WIPF2: variants seen among roughly 807,000 people sequenced by gnomAD.
WIPF2 encodes WAS/WASL-interacting protein family member 2.
Under a neutral mutation model 38.8 loss-of-function variants are expected in WIPF2, and 23 were observed. The observed-to-expected ratio is 0.59, with a 90% CI of 0.43 to 0.84. The LOEUF (loss-of-function observed/expected upper bound fraction) is 0.84, where lower values mean the gene tolerates loss of function less well. WIPF2 is among the 40% of genes least tolerant of loss of function. The pLI is 0.00. For synonymous variants in WIPF2, 210 were observed against 223.2 expected, an observed-to-expected ratio of 0.94 and a Z score of 0.53; for missense variants, 574 against 580.5, an observed-to-expected ratio of 0.99 and a Z score of 0.11.
At chr17:40,271,229 GC>G (rs2032241469) in intron 5 of WIPF2, among the ~76,000 whole-genome samples, 1 of 152,198 alleles carries the variant, frequency 6.6e-6, no homozygotes, top group African/African-American at 2.4e-5. Context: ...GCCTGCCTCA[GC>G]CTCCCAGAGT....
At chr17:40,268,987 A>G (rs1283159054) in intron 5 of WIPF2, among the ~76,000 whole-genome samples, 1 of 152,076 alleles carries the variant, frequency 6.6e-6, no homozygotes, top group Non-Finnish European at 1.5e-5. Context: ...GTTCAAGACC[A>G]GCCTGGGCAA....
intron 1 of WIPF2, among the ~76,000 whole-genome samples, chr17:40,246,407 T>C (rs1363367682): frequency 6.7e-6 from 1 of 149,210 alleles, no homozygotes; most frequent in Non-Finnish European, 1.5e-5. Flanking sequence ...TTTTTTTTTT[T>C]TTTTTTTTGA....
intron 1 of WIPF2, among the ~76,000 whole-genome samples, chr17:40,239,456 C>T (rs1384659783): frequency 6.6e-6 from 1 of 151,984 alleles, no homozygotes; most frequent in African/African-American, 2.4e-5. Flanking sequence ...ATTACAGGCA[C>T]CCTGGCAGGC....
chr17:40,276,084 G>A (rs2032389897), intron 6 of WIPF2, among the ~76,000 whole-genome samples: 1 of 152,180 alleles, frequency 6.6e-6, no homozygotes, highest in African/African-American at 2.4e-5. Context: ...TCCCAACTAT[G>A]TAAGTGAAGG....
chr17:40,259,861 T>C (rs1023049500), intron 2 of WIPF2, among the ~76,000 whole-genome samples: 2 of 152,214 alleles, frequency 1.3e-5, no homozygotes, highest in Non-Finnish European at 1.5e-5. Flanking sequence ...CTTACCACAG[T>C]GCCTAAGTCA....
Position 40,273,781 on chromosome 17 carries a change from T to A in WIPF2, c.971-9T>A. On this transcript the variant is annotated splice_polypyrimidine_tract_variant and intron_variant, in intron 5 of 7. Coordinates refer to ENST00000323571, the MANE Select transcript of WIPF2 (RefSeq NM_133264.5). ...ATCCAAACCTAACTACTTTGGATTTTAATTGCAGCTCCTCCACCCCCACCA... is the reference window on the plus strand; with the variant it reads ...ATCCAAACCTAACTACTTTGGATTTAAATTGCAGCTCCTCCACCCCCACCA... 1.9e-6 allele frequency: 3 copies of A among 1,600,294 alleles called. No individual in the cohort carries two copies. Among genetic ancestry groups the A allele is most frequent in the Non-Finnish European group, 2.6e-6 (3 of 1,169,220 alleles).
chr17:40,270,248 C>T (rs2032207870), intron 5 of WIPF2, among the ~76,000 whole-genome samples: 1 of 151,780 alleles, frequency 6.6e-6, no homozygotes, highest in Non-Finnish European at 1.5e-5. Flanking sequence ...TGCCTGTAGT[C>T]CCAGCTACTG....
Position 40,231,001 on chromosome 17 carries a change from C to T in WIPF2, c.-70+11509C>T, listed in dbSNP as rs574144890. Among the ~76,000 whole-genome samples, 5 of 152,270 alleles carry T rather than the reference C, an allele frequency of 3.3e-5. No homozygotes were observed. The East Asian group carries it at 9.6e-4, about 29-fold the overall frequency. ...TGACTTTTGTTCAGAAATCACAGTA[C>T]TTAAAACCCAGATGGTCCTGTTTGA... is the stretch of plus-strand genomic sequence containing the variant. On this transcript the variant is annotated intron_variant, in intron 1 of 7. Coordinates refer to ENST00000323571, the MANE Select transcript of WIPF2 (RefSeq NM_133264.5).
intron 1 of WIPF2, among the ~76,000 whole-genome samples, chr17:40,236,419 A>G (rs994883097): frequency 2.6e-5 from 4 of 151,122 alleles, no homozygotes; most frequent in Non-Finnish European, 4.4e-5. Context: ...GCTCACTGCA[A>G]CCTCCACCTC....
chr17:40,265,120 C>G lies in WIPF2; in HGVS notation c.944C>G (p.Ala315Gly). 6.2e-7 allele frequency: 1 copy of G among 1,610,054 alleles called. No individual in the cohort carries two copies. Among genetic ancestry groups the G allele is most frequent in the Non-Finnish European group, 8.5e-7 (1 of 1,177,682 alleles). ...CTGAGTAATAGGCCACCTCCCCCAGCCCGAGACCCTCCCAGTCGGGGAGCA... is the reference window on the plus strand; with the variant it reads ...CTGAGTAATAGGCCACCTCCCCCAGGCCGAGACCCTCCCAGTCGGGGAGCA... Reference protein sequence around the residue: ...SLLSNRPPPPARDPPSRGAAP... With the variant: ...SLLSNRPPPPGRDPPSRGAAP... The change falls in exon 5 of 8, where the codon GCC (alanine) becomes GGC (glycine). Residue 315 changes from alanine (A) to glycine (G), a missense_variant. Transcript: ENST00000323571.
In WIPF2 at chr17:40,280,599, C is replaced by G. The variant is rs367853935; in HGVS notation, c.*2374C>G. 3 of 152,468 alleles carry G rather than the reference C, an allele frequency of 2.0e-5. No individual in the cohort carries two copies. The highest frequency in any genetic ancestry group is 7.2e-5 in the African/African-American group (3 of 41,402). 9.4% of individuals were successfully genotyped at this position (152,468 alleles called of 1,614,324 possible). Reference sequence around the variant, plus strand: ...AGTGACTGAACTTTGACTGTGAAGTCTTCCCATTTATTTTTGAAATGGGAG... The same window carrying G: ...AGTGACTGAACTTTGACTGTGAAGTGTTCCCATTTATTTTTGAAATGGGAG... On this transcript the variant is annotated 3_prime_UTR_variant, in exon 8 of 8. Coordinates refer to ENST00000323571, the MANE Select transcript of WIPF2 (RefSeq NM_133264.5).
intron 5 of WIPF2, among the ~76,000 whole-genome samples, chr17:40,269,746 A>G (rs2032193880): frequency 6.7e-6 from 1 of 149,822 alleles, no homozygotes; most frequent in Non-Finnish European, 1.5e-5. Flanking sequence ...CTGGGACTGC[A>G]GGCACCCGCT....
intron 1 of WIPF2, among the ~76,000 whole-genome samples, chr17:40,224,437 C>G (rs2030395306): frequency 7.4e-6 from 1 of 134,392 alleles, no homozygotes; most frequent in Non-Finnish European, 1.5e-5. Flanking sequence ...GTAGTAGAGA[C>G]GGGGTTTCAA....
chr17:40,225,147 G>A (rs1021967223), intron 1 of WIPF2, among the ~76,000 whole-genome samples: 1 of 151,912 alleles, frequency 6.6e-6, no homozygotes, highest in Non-Finnish European at 1.5e-5. Context: ...CTAAATTCAA[G>A]TCTGTTTCTT....
rs990278982 is a variant in WIPF2, at chr17:40,280,711, CA to C, written c.*2489del. ...AGCATCAAAATATCACGAGTAAAGCCAAACCCCAGCTTTTCACTGGGGCTGA... is the reference window on the plus strand; with the variant it reads ...AGCATCAAAATATCACGAGTAAAGCCAACCCCAGCTTTTCACTGGGGCTGA... On this transcript the variant is annotated 3_prime_UTR_variant, in exon 8 of 8. Coordinates refer to ENST00000323571, the MANE Select transcript of WIPF2 (RefSeq NM_133264.5). The C allele has an allele frequency of 2.0e-5, 3 of 152,454 alleles. No individual in the cohort carries two copies. Among genetic ancestry groups the C allele is most frequent in the African/African-American group, 7.2e-5 (3 of 41,384 alleles). The allele number at this position is 152,454 out of a possible 1,614,324, so 9.4% of individuals were successfully genotyped here.
At position 40,232,179 on chromosome 17, in the gene WIPF2, A is replaced by ATTTTTTTTTTTTTTTTTTTTTTTT. The variant is rs752876006; in HGVS notation, c.-70+12692_-70+12715dup. On this transcript the variant is annotated intron_variant, in intron 1 of 7. Transcript: ENST00000323571. ...AGGCACATGCCACCATGCCTGGCTA[A>ATTTTTTTTTTTTTTTTTTTTTTTT]TTTTTTTTTTTTTTTTTTTTTTTTT... Among the ~76,000 whole-genome samples, 15 of 76,052 alleles carry ATTTTTTTTTTTTTTTTTTTTTTTT rather than the reference A, an allele frequency of 2.0e-4. 1 individual carries two copies. Among genetic ancestry groups the ATTTTTTTTTTTTTTTTTTTTTTTT allele is most frequent in the East Asian group, 4.7e-4 (1 of 2,118 alleles). 49.9% of individuals were successfully genotyped at this position (76,052 alleles called of 152,430 possible).
chr17:40,220,042 G>A (rs1449318040), intron 1 of WIPF2: 1 of 152,240 alleles, frequency 6.6e-6, no homozygotes, highest in Non-Finnish European at 1.5e-5. Flanking sequence ...AAAGGAATCA[G>A]AATTTAGTTA....
intron 1 of WIPF2, among the ~76,000 whole-genome samples, chr17:40,239,718 G>A (rs1218395430): frequency 3.1e-5 from 4 of 129,138 alleles, no homozygotes; most frequent in East Asian, 4.5e-4. Flanking sequence ...TTTTTGAGAC[G>A]GAGTCTCACT....
At chr17:40,265,196 A>G (rs753449381) in intron 5 of WIPF2, 50 bp downstream of exon 5, 1 of 1,531,972 alleles carries the variant, frequency 6.5e-7, no homozygotes, top group Non-Finnish European at 8.8e-7. Context: ...AGTTGATTTT[A>G]TCTTTCCCCA....
Sources: allele counts gnomAD v4.1 joint callset (sites outside exome capture counted in the v4.1 genomes callset), GRCh38; gene constraint gnomAD v4.1.1; transcripts MANE v1.5; gene names NCBI Gene and HGNC (gene_info 2026-07-23, HGNC 2026-07-21).